The following KIAA0586 variants were observed in gnomAD, a reference collection of about 807,000 sequenced individuals.
KIAA0586 encodes the protein protein TALPID3.
In KIAA0586, 144 loss-of-function variants were observed where a neutral mutation model predicts 169.8. That is an observed-to-expected ratio of 0.85 (90% CI 0.74 to 0.97). KIAA0586 has a LOEUF of 0.97. Among genes scored for constraint, KIAA0586 ranks in the 50% least tolerant of loss-of-function variants. The pLI is 0.00. For synonymous variants in KIAA0586, 625 were observed against 612.4 expected, an observed-to-expected ratio of 1.02 and a Z score of -0.30; for missense variants, 1,854 against 1,823.0, an observed-to-expected ratio of 1.02 and a Z score of -0.31.
intron 5 of KIAA0586, among the ~76,000 whole-genome samples, chr14:58,443,462 G>T (rs912722265): frequency 6.6e-6 from 1 of 152,208 alleles, no homozygotes; most frequent in Non-Finnish European, 1.5e-5. Context: ...TCACTCTGTT[G>T]CCCAGGCTGA....
At chr14:58,497,817 C>G (rs1020537952) in intron 26 of KIAA0586, among the ~76,000 whole-genome samples, 5 of 151,044 alleles carry the variant, frequency 3.3e-5, no homozygotes, top group African/African-American at 1.2e-4. Flanking sequence ...CTGTTATTCC[C>G]ATTTTAAGCT....
In KIAA0586 at chr14:58,540,138, TA is replaced by T; in HGVS notation, c.4495+4del. ...CGTACCTCACATGTGTATTTTCAGG[TA>T]AGATTTTTACTTTAAAAGTTCTTGA... On this transcript the variant is annotated splice_donor_region_variant and intron_variant, in intron 30 of 30. Transcript: ENST00000652326. 2 of 1,525,952 alleles carry T rather than the reference TA, an allele frequency of 1.3e-6. No homozygotes were observed. Among genetic ancestry groups the T allele is most frequent in the East Asian group, 2.4e-5 (1 of 41,774 alleles). The allele number at this position is 1,525,952 out of a possible 1,614,324, so 94.5% of individuals were successfully genotyped here.
intron 27 of KIAA0586, among the ~76,000 whole-genome samples, chr14:58,500,292 G>A (rs1033786): frequency 0.6 from 91,705 of 152,038 alleles, 28,002 homozygotes; most frequent in Admixed American, 0.67. Flanking sequence ...ATATATTTTG[G>A]ATTCATTAAT....
intron 30 of KIAA0586, among the ~76,000 whole-genome samples, chr14:58,545,622 T>C (rs568946140): frequency 6.6e-6 from 1 of 152,342 alleles, no homozygotes; most frequent in East Asian, 1.9e-4. Context: ...TGAGCTCTGA[T>C]ATTGGCTGCT....
intron 29 of KIAA0586, among the ~76,000 whole-genome samples, chr14:58,538,889 C>G (rs1291286584): frequency 6.6e-6 from 1 of 152,116 alleles, no homozygotes; most frequent in Non-Finnish European, 1.5e-5. Context: ...AAGCCATCCT[C>G]CCACCTGAGC....
intron 29 of KIAA0586, chr14:58,521,742 A>G (rs2045245251): frequency 4.8e-6 from 4 of 825,074 alleles, no homozygotes; most frequent in Admixed American, 3.4e-5. Context: ...GGAACAGGGG[A>G]AACAAGCAGT....
downstream of KIAA0586, among the ~76,000 whole-genome samples, chr14:58,553,754 G>A (rs2047230127): frequency 6.6e-6 from 1 of 152,120 alleles, no homozygotes; most frequent in South Asian, 2.1e-4. Context: ...AATTGTAGCT[G>A]TTGTCAAGAG....
intron 29 of KIAA0586, among the ~76,000 whole-genome samples, chr14:58,526,865 A>C (rs1007582499): frequency 6.6e-6 from 1 of 152,132 alleles, no homozygotes; most frequent in Non-Finnish European, 1.5e-5. Flanking sequence ...GGTCATCTAA[A>C]CCTAAATAGT....
At chr14:58,435,811 G>A (rs1046108053) in intron 4 of KIAA0586, among the ~76,000 whole-genome samples, 19 of 152,122 alleles carry the variant, frequency 1.2e-4, no homozygotes, top group Admixed American at 1.2e-3. Flanking sequence ...CAGTTCAAGT[G>A]ATTCTCCTCC....
At chr14:58,494,477 G>A (rs1297653954) in intron 26 of KIAA0586, among the ~76,000 whole-genome samples, 1 of 150,994 alleles carries the variant, frequency 6.6e-6, no homozygotes, top group African/African-American at 2.4e-5. Context: ...TTTGACCTGT[G>A]AGTTCTTATT....
intron 29 of KIAA0586, among the ~76,000 whole-genome samples, chr14:58,529,902 G>A (rs1315621893): frequency 6.6e-6 from 1 of 152,132 alleles, no homozygotes; most frequent in African/African-American, 2.4e-5. Context: ...AAATAGGAAG[G>A]GAGGAAGTCA....
intron 27 of KIAA0586, among the ~76,000 whole-genome samples, chr14:58,499,415 G>T (rs767657936): frequency 6.6e-6 from 1 of 151,622 alleles, no homozygotes; most frequent in African/African-American, 2.4e-5. Flanking sequence ...ACCACGCCTG[G>T]CTAATTTTTT....
At chr14:58,557,301 T>A in the KIAA0586 span, among the ~76,000 whole-genome samples, 1 of 152,206 alleles carries the variant, frequency 6.6e-6, no homozygotes, top group Non-Finnish European at 1.5e-5. Flanking sequence ...AGTCATGGAT[T>A]CCTCCTTATA....
chr14:58,462,054 T>C (rs1373343257), intron 14 of KIAA0586, among the ~76,000 whole-genome samples: 1 of 152,226 alleles, frequency 6.6e-6, no homozygotes, highest in Non-Finnish European at 1.5e-5. Context: ...TCCTCTCTTA[T>C]CCTTTCTAGA....
intron 21 of KIAA0586, among the ~76,000 whole-genome samples, chr14:58,484,409 A>G (rs1409032641): frequency 6.6e-6 from 1 of 152,122 alleles, no homozygotes; most frequent in Non-Finnish European, 1.5e-5. Context: ...GACTGGTTTC[A>G]TTTAAGAAGG....
In KIAA0586 at chr14:58,514,752, GTCTA is replaced by G. The variant is rs1167498247; in HGVS notation, c.4429+2129_4429+2132del. ...TTTAATTTGGTATTGAATTTATTGG[GTCTA>G]TCTTTGACCACGTGATACCACTTAC... On this transcript the variant is annotated intron_variant, in intron 29 of 30. Coordinates refer to ENST00000652326, the MANE Select transcript of KIAA0586 (RefSeq NM_001329943.3). Among the ~76,000 whole-genome samples, 5 of 152,082 alleles carry G rather than the reference GTCTA, an allele frequency of 3.3e-5. No homozygotes were observed. In the East Asian group the frequency reaches 9.6e-4, roughly 29 times the overall value.
intron 18 of KIAA0586, 37 bp from the exon 19 acceptor site, chr14:58,474,570 T>A (rs2041460614): frequency 7.1e-7 from 1 of 1,412,692 alleles, no homozygotes; most frequent in African/African-American, 1.4e-5. Flanking sequence ...GTTGAACAAA[T>A]ACATGAATAT....
chr14:58,520,184 T>C (rs2045096644), intron 29 of KIAA0586, among the ~76,000 whole-genome samples: 2 of 152,236 alleles, frequency 1.3e-5, no homozygotes, highest in African/African-American at 4.8e-5. Context: ...ATTCACTCTT[T>C]CTTTTTAAAT....
chr14:58,503,902 G>A (rs551296298), intron 27 of KIAA0586, among the ~76,000 whole-genome samples: 46 of 152,160 alleles, frequency 3.0e-4, no homozygotes, highest in African/African-American at 1.1e-3. Context: ...GCAGCAGGGA[G>A]CAGAAACCAG....
Sources: allele counts gnomAD v4.1 joint callset (sites outside exome capture counted in the v4.1 genomes callset), GRCh38; gene constraint gnomAD v4.1.1; transcripts MANE v1.5; gene names NCBI Gene and HGNC (gene_info 2026-07-23, HGNC 2026-07-21).